The following ARHGAP44 variants were observed in gnomAD, a reference collection of about 807,000 sequenced individuals.
ARHGAP44 encodes the protein rho GTPase-activating protein 44.
Under a neutral mutation model 106.8 loss-of-function variants are expected in ARHGAP44, and 43 were observed. That is an observed-to-expected ratio of 0.40 (90% CI 0.32 to 0.52). The LOEUF (loss-of-function observed/expected upper bound fraction) is 0.52, where lower values mean the gene tolerates loss of function less well. Among genes scored for constraint, ARHGAP44 ranks in the 20% least tolerant of loss-of-function variants. ARHGAP44 has a pLI of 0.48. For missense variants in ARHGAP44, 866 were observed against 1,050.5 expected, an observed-to-expected ratio of 0.82 and a Z score of 2.43; for synonymous variants, 439 against 410.3, an observed-to-expected ratio of 1.07 and a Z score of -0.85.
chr17:12,835,809 C>T (rs1400720536), intron 1 of ARHGAP44, among the ~76,000 whole-genome samples: 1 of 152,158 alleles, frequency 6.6e-6, no homozygotes, highest in African/African-American at 2.4e-5. Context: ...TTTTCTCTCC[C>T]TCCAGGCGCC....
At chr17:12,927,933 A>AT (rs915034512) in intron 6 of ARHGAP44, among the ~76,000 whole-genome samples, 102 of 151,282 alleles carry the variant, frequency 6.7e-4, no homozygotes, top group East Asian at 3.5e-3. Flanking sequence ...GATTTATTTT[A>AT]TTTTTTTTTA....
intron 1 of ARHGAP44, among the ~76,000 whole-genome samples, chr17:12,883,794 C>T (rs1407347593): frequency 1.3e-5 from 2 of 152,094 alleles, no homozygotes; most frequent in South Asian, 2.1e-4. Context: ...TTATTGTGTG[C>T]ATAAATCAAT....
Position 12,858,208 on chromosome 17 carries a change from C to G in ARHGAP44, c.54-36732C>G, listed in dbSNP as rs144510447. The stretch of plus-strand genomic sequence containing the variant: ...ACCACGTCTGCTATTCTGAAGACAC[C>G]CAGGTCAGCCAAATATGGGAACTGT... On this transcript the variant is annotated intron_variant, in intron 1 of 20. Transcript: ENST00000379672. 6.6e-5 allele frequency among the ~76,000 whole-genome samples: 10 copies of G among 152,208 alleles called. No individual in the cohort carries two copies. In the East Asian group the frequency reaches 1.9e-3, roughly 29 times the overall value.
At chr17:12,795,371 C>T (rs764298) in intron 1 of ARHGAP44, among the ~76,000 whole-genome samples, 1 of 152,206 alleles carries the variant, frequency 6.6e-6, no homozygotes, top group Non-Finnish European at 1.5e-5. Flanking sequence ...TCACCTTCTG[C>T]TGAGCTGCTG....
chr17:12,868,587 C>A (rs1233503036), intron 1 of ARHGAP44, among the ~76,000 whole-genome samples: 1 of 32,486 alleles, frequency 3.1e-5, no homozygotes. Context: ...CATATATATG[C>A]ATTTTATATA....
At chr17:12,982,520 C>T (rs2039858916) in intron 19 of ARHGAP44, 1 of 152,166 alleles carries the variant, frequency 6.6e-6, no homozygotes, top group Non-Finnish European at 1.5e-5. Context: ...ACCCCTGCGT[C>T]TGTCACCCAT....
rs940868885 is a variant in ARHGAP44 at position 12,789,727 on chromosome 17, T to A, written c.-112T>A. 11 of 1,045,498 alleles carry A rather than the reference T, an allele frequency of 1.1e-5. No individual in the cohort carries two copies. The highest frequency in any genetic ancestry group is 1.4e-5 in the Non-Finnish European group (11 of 789,482). 64.8% of individuals were successfully genotyped at this position (1,045,498 alleles called of 1,614,324 possible). A position where few individuals can be genotyped will look rare whatever the true frequency, so the allele number is the denominator to read the frequency against. ...CAGACGGCGCCCGGAGGCTCCGCAG[T>A]GCCGCCGCCGTCGCCCGGGAGGCTC... On this transcript the variant is annotated 5_prime_UTR_variant, in exon 1 of 21. Transcript: ENST00000379672.
chr17:12,936,445 A>G (rs907893091), intron 7 of ARHGAP44, among the ~76,000 whole-genome samples: 1 of 152,204 alleles, frequency 6.6e-6, no homozygotes, highest in Non-Finnish European at 1.5e-5. Context: ...GGAATCCTAC[A>G]GTATGTAGCC....
intron 2 of ARHGAP44, 120 bp downstream of exon 2, chr17:12,895,099 C>A: frequency 2.4e-6 from 2 of 823,780 alleles, no homozygotes; most frequent in South Asian, 1.6e-5. Context: ...CCACTACACT[C>A]CAGCCTGGCG....
intron 16 of ARHGAP44, among the ~76,000 whole-genome samples, chr17:12,962,765 G>A (rs2039293141): frequency 6.6e-6 from 1 of 152,138 alleles, no homozygotes; most frequent in South Asian, 2.1e-4. Flanking sequence ...CAATTTCTGG[G>A]TCAGGCGCGG....
chr17:12,871,653 A>T (rs895679097), intron 1 of ARHGAP44, among the ~76,000 whole-genome samples: 3 of 152,160 alleles, frequency 2.0e-5, no homozygotes, highest in Non-Finnish European at 4.4e-5. Context: ...CCCCTCGTCC[A>T]ACATTGGGAA....
At chr17:12,895,892 C>T (rs967334654) in intron 2 of ARHGAP44, among the ~76,000 whole-genome samples, 2 of 152,084 alleles carry the variant, frequency 1.3e-5, no homozygotes, top group African/African-American at 4.8e-5. Context: ...GAAAATGTGG[C>T]ACATGTAAGC....
At chr17:12,928,279 T>A (rs1432247558) in intron 6 of ARHGAP44, among the ~76,000 whole-genome samples, 1 of 152,228 alleles carries the variant, frequency 6.6e-6, no homozygotes, top group Admixed American at 6.5e-5. Context: ...CATACGTCAC[T>A]GGCTTCAAGC....
intron 16 of ARHGAP44, among the ~76,000 whole-genome samples, chr17:12,959,394 A>G (rs138466519): frequency 4.0e-4 from 61 of 152,302 alleles, no homozygotes; most frequent in African/African-American, 1.5e-3. Flanking sequence ...GGTTTTTAAG[A>G]TGTTTTCCTA....
chr17:12,963,677 G>GTGC (rs780609768), intron 16 of ARHGAP44, among the ~76,000 whole-genome samples: 2 of 152,106 alleles, frequency 1.3e-5, no homozygotes, highest in African/African-American at 2.4e-5. Flanking sequence ...AGTGCCGTGT[G>GTGC]AGCAGACAGG....
chr17:12,800,077 G>A (rs1432352653), intron 1 of ARHGAP44, among the ~76,000 whole-genome samples: 1 of 152,186 alleles, frequency 6.6e-6, no homozygotes, highest in South Asian at 2.1e-4. Flanking sequence ...CATATCCTTA[G>A]AATAACCCCT....
At chr17:12,926,449 AATAT>A (rs917826132) in intron 6 of ARHGAP44, among the ~76,000 whole-genome samples, 44 of 120,310 alleles carry the variant, frequency 3.7e-4, no homozygotes, top group Non-Finnish European at 6.3e-4. Context: ...GTATATACAT[AATAT>A]ATATACATAT....
chr17:12,893,743 A>G (rs1425960622), intron 1 of ARHGAP44, among the ~76,000 whole-genome samples: 1 of 152,158 alleles, frequency 6.6e-6, no homozygotes, highest in Non-Finnish European at 1.5e-5. Flanking sequence ...GCAGTTTTCT[A>G]AAAAGTGTCT....
chr17:12,887,062 T>G (rs1017450899), intron 1 of ARHGAP44, among the ~76,000 whole-genome samples: 2 of 151,972 alleles, frequency 1.3e-5, no homozygotes, highest in Non-Finnish European at 2.9e-5. Context: ...TTTTCTTCCT[T>G]ACTCTTTTAA....
Sources: gnomAD v4.1 joint callset for allele counts (sites outside exome capture counted in the v4.1 genomes callset) on GRCh38, gnomAD v4.1.1 for gene constraint, MANE v1.5 for transcripts, NCBI Gene and HGNC (gene_info 2026-07-23, HGNC 2026-07-21) for gene names.